The following GABRR3 variants were observed in gnomAD, a reference collection of about 807,000 sequenced individuals.
The protein encoded by GABRR3 is gamma-aminobutyric acid receptor subunit rho-3.
In GABRR3, 29 loss-of-function variants were observed where a neutral mutation model predicts 43.2. The observed-to-expected ratio is 0.67, with a 90% CI of 0.50 to 0.92. GABRR3 has a LOEUF of 0.92. Ranked by LOEUF, GABRR3 falls within the 40% of genes least tolerant of loss-of-function variation. The pLI, the probability that GABRR3 is intolerant of heterozygous loss-of-function variation, is 0.00. For missense variants in GABRR3, 576 were observed against 572.3 expected (o/e 1.01, Z -0.07); for synonymous variants, 206 against 195.9 (o/e 1.05, Z -0.43).
chr3:98,009,025 C>T, exon 6 of GABRR3: 1 of 1,604,714 alleles, frequency 6.2e-7, no homozygotes, highest in South Asian at 1.1e-5. Context: ...AAGCACATGG[C>T]CGAAACCGTT....
At chr3:98,011,111 C>T (rs1450787703) in intron 5 of GABRR3, among the ~76,000 whole-genome samples, 1 of 152,058 alleles carries the variant, frequency 6.6e-6, no homozygotes. Context: ...CCCCCAACCC[C>T]CCCAAAAAAC....
chr3:98,008,902 T>G, intron 6 of GABRR3, 54 bp downstream of exon 6: 1 of 936,792 alleles, frequency 1.1e-6, no homozygotes, highest in Non-Finnish European at 1.7e-6. Context: ...CATGTAAGTA[T>G]GTGATGGTGT....
chr3:98,006,705 G>C (rs113849370), intron 7 of GABRR3, among the ~76,000 whole-genome samples: 17 of 152,134 alleles, frequency 1.1e-4, no homozygotes, highest in Non-Finnish European at 2.1e-4. Context: ...AATCTGAAGT[G>C]GCATTTTATA....
In GABRR3 at chr3:98,035,245, C is replaced by T. The variant is rs144243450; in HGVS notation, c.-58G>A. The stretch of plus-strand genomic sequence containing the variant: ...GCAGATTTTTAAAATTTTCAGTTTA[C>T]ATCCTTTGGTCCCTTTTTCCGGGGA... On this transcript the variant is annotated 5_prime_UTR_variant, in exon 1 of 10. It removes an upstream start codon present in the reference 5' UTR. Transcript: ENST00000621172. 1.2e-3 allele frequency: 523 copies of T among 446,228 alleles called. 2 individuals carry two copies. The highest frequency in any genetic ancestry group is 9.6e-3 in the African/African-American group (487 of 50,702). 27.6% of individuals were successfully genotyped at this position (446,228 alleles called of 1,614,324 possible). A position where few individuals can be genotyped will look rare whatever the true frequency, so the allele number is the denominator to read the frequency against.
chr3:98,032,582 G>C (rs1707100616), intron 2 of GABRR3, among the ~76,000 whole-genome samples: 1 of 152,120 alleles, frequency 6.6e-6, no homozygotes, highest in Admixed American at 6.6e-5. Flanking sequence ...TTTTCCACCT[G>C]CCATAACTTA....
At position 98,012,351 on chromosome 3, in the gene GABRR3, T is replaced by A. The variant is rs761131117; in HGVS notation, c.523A>T (p.Ser175Cys). Residue 175 changes from serine (S) to cysteine (C), a missense_variant, in exon 5 of 10, where the codon AGT becomes TGT. By Grantham distance (112) the Ser-to-Cys change is moderately radical. Coordinates refer to ENST00000621172, the Ensembl canonical transcript of GABRR3. ...ATAGGCAGCTTTCCTTACCTGAGACTTAGGAGGACGTTTCCATCAGGGTGT... is the reference window on the plus strand; with the variant it reads ...ATAGGCAGCTTTCCTTACCTGAGACATAGGAGGACGTTTCCATCAGGGTGT... 5.0e-6 allele frequency: 8 copies of A among 1,613,344 alleles called. No homozygotes were observed. The Admixed American group carries it at 1.3e-4, about 27-fold the overall frequency.
At chr3:97,988,264 G>T (rs574198744) in intron 9 of GABRR3, among the ~76,000 whole-genome samples, 2 of 152,030 alleles carry the variant, frequency 1.3e-5, no homozygotes, top group Non-Finnish European at 2.9e-5. Context: ...TTTTAGTAGA[G>T]ACGAGGTCCT....
chr3:98,003,873 T>A (rs1706688405), intron 7 of GABRR3, among the ~76,000 whole-genome samples: 1 of 152,122 alleles, frequency 6.6e-6, no homozygotes, highest in Non-Finnish European at 1.5e-5. Context: ...CCTGCCCATC[T>A]CTCTCTAGAA....
chr3:97,998,048 A>G (rs950182625), intron 8 of GABRR3: 1 of 152,128 alleles, frequency 6.6e-6, no homozygotes, highest in African/African-American at 2.4e-5. Context: ...ATAGCCAATT[A>G]TAATATAATT....
intron 8 of GABRR3, among the ~76,000 whole-genome samples, chr3:97,996,941 G>T (rs1226917281): frequency 2.0e-5 from 3 of 152,138 alleles, no homozygotes; most frequent in East Asian, 3.8e-4. Flanking sequence ...AAATATGGTG[G>T]TCTAAACACT....
intron 2 of GABRR3, among the ~76,000 whole-genome samples, chr3:98,030,707 G>A (rs950701782): frequency 6.6e-6 from 1 of 152,074 alleles, no homozygotes; most frequent in African/African-American, 2.4e-5. Flanking sequence ...CATTCTCCTT[G>A]TCATTCTAGA....
At chr3:98,011,648 G>A (rs542136651) in intron 5 of GABRR3, among the ~76,000 whole-genome samples, 1 of 151,870 alleles carries the variant, frequency 6.6e-6, no homozygotes, top group South Asian at 2.1e-4. Flanking sequence ...AAGCTTCACA[G>A]GTTCCAGGAA....
intron 2 of GABRR3, among the ~76,000 whole-genome samples, chr3:98,032,065 TAGTATAGTATAG>T (rs1173300807): frequency 1.1e-4 from 4 of 34,926 alleles, no homozygotes; most frequent in Non-Finnish European, 2.9e-4. Flanking sequence ...GTCTAGCACA[TAGTATAGTATAG>T]TATAGTATAG....
At chr3:98,003,564 G>A (rs1706682854) in intron 7 of GABRR3, among the ~76,000 whole-genome samples, 1 of 151,914 alleles carries the variant, frequency 6.6e-6, no homozygotes, top group African/African-American at 2.4e-5. Context: ...GAAAGGTGGT[G>A]CTGCCTTGGA....
chr3:98,033,320 C>T (rs1707113860), intron 2 of GABRR3, among the ~76,000 whole-genome samples: 1 of 152,182 alleles, frequency 6.6e-6, no homozygotes, highest in African/African-American at 2.4e-5. Flanking sequence ...GGCCGAAATC[C>T]TGGCGTTTCC....
chr3:98,007,253 G>C (rs1269853595), intron 7 of GABRR3, among the ~76,000 whole-genome samples: 1 of 152,058 alleles, frequency 6.6e-6, no homozygotes, highest in East Asian at 1.9e-4. Context: ...AGGGAGAAGG[G>C]CATGAGAATA....
At chr3:98,032,584 C>T (rs1288797786) in intron 2 of GABRR3, among the ~76,000 whole-genome samples, 1 of 152,136 alleles carries the variant, frequency 6.6e-6, no homozygotes, top group African/African-American at 2.4e-5. Flanking sequence ...TTCCACCTGC[C>T]ATAACTTACT....
At chr3:98,009,272 T>C (rs1326308770) in intron 5 of GABRR3, among the ~76,000 whole-genome samples, 1 of 152,218 alleles carries the variant, frequency 6.6e-6, no homozygotes, top group African/African-American at 2.4e-5. Flanking sequence ...ATACCTTGCT[T>C]CTGAGTTCAC....
intron 8 of GABRR3, among the ~76,000 whole-genome samples, chr3:97,994,371 A>C (rs1013967056): frequency 2.0e-5 from 3 of 152,244 alleles, no homozygotes; most frequent in African/African-American, 7.2e-5. Flanking sequence ...GCAATTTGAC[A>C]GTACCATAGG....
Sources: gnomAD v4.1 joint callset for allele counts (sites outside exome capture counted in the v4.1 genomes callset) on GRCh38, gnomAD v4.1.1 for gene constraint, MANE v1.5 for transcripts, NCBI Gene and HGNC (gene_info 2026-07-23, HGNC 2026-07-21) for gene names.